WNK3: variants seen among roughly 807,000 people sequenced by gnomAD.
The protein encoded by WNK3 is WNK lysine deficient protein kinase 3, also known as serine/threonine-protein kinase WNK3.
A neutral mutation model predicts 116.7 loss-of-function variants in WNK3; 18 were observed. The observed-to-expected ratio is 0.15, with a 90% CI of 0.11 to 0.23. WNK3 has a LOEUF of 0.23. Ranked by LOEUF, WNK3 falls within the 10% of genes least tolerant of loss-of-function variation. WNK3 has a pLI of 1.00. For synonymous variants in WNK3, 404 were observed against 469.4 expected (o/e 0.86, Z 1.80); for missense variants, 993 against 1,323.8 (o/e 0.75, Z 3.88).
intron 2 of WNK3, among the ~76,000 whole-genome samples, chrX:54,323,226 C>G (rs1557172640): frequency 9.0e-6 from 1 of 111,331 alleles, no homozygotes; most frequent in African/African-American, 3.3e-5. Context: ...CCATGTACCC[C>G]CAGTTATGAT....
intron 22 of WNK3, among the ~76,000 whole-genome samples, chrX:54,219,187 A>C (rs2067732677): frequency 9.0e-6 from 1 of 111,466 alleles, no homozygotes; most frequent in South Asian, 3.8e-4. Flanking sequence ...ACTCATAATC[A>C]AATTGATGAA....
chrX:54,239,376 G>T lies in WNK3; in HGVS notation c.3652-277C>A, dbSNP rs191125813. ...TTAGACTTTAGTAAATAAAAGAGAA[G>T]ATTATTAATCTTCTACCCCAGAATA... is the stretch of plus-strand genomic sequence containing the variant. On this transcript the variant is annotated intron_variant, in intron 17 of 23. Coordinates refer to ENST00000354646, the Ensembl canonical transcript of WNK3. Among the ~76,000 whole-genome samples, 14 of 110,540 alleles carry T rather than the reference G, an allele frequency of 1.3e-4. No homozygotes were observed. The East Asian group carries it at 3.7e-3, about 29-fold the overall frequency.
chrX:54,232,210 C>T (rs1482356988), intron 21 of WNK3, among the ~76,000 whole-genome samples: 2 of 108,358 alleles, frequency 1.8e-5, no homozygotes, highest in Non-Finnish European at 3.8e-5. Context: ...GGCACAATCT[C>T]GGCTCACTGC....
At chrX:54,281,016 G>C (rs1397676296) in intron 10 of WNK3, among the ~76,000 whole-genome samples, 18 of 111,428 alleles carry the variant, frequency 1.6e-4, no homozygotes, top group African/African-American at 5.9e-4. Flanking sequence ...TTTTTTCCCA[G>C]CTTTACTGAG....
At chrX:54,235,148 GT>G (rs1210712729) in intron 20 of WNK3, among the ~76,000 whole-genome samples, 18 of 111,953 alleles carry the variant, frequency 1.6e-4, no homozygotes, top group African/African-American at 5.8e-4. Flanking sequence ...ACAGTTTTGG[GT>G]TTTTTTCTTC....
intron 10 of WNK3, among the ~76,000 whole-genome samples, chrX:54,271,191 T>C (rs2068380238): frequency 8.9e-6 from 1 of 112,271 alleles, no homozygotes; most frequent in Non-Finnish European, 1.9e-5. Context: ...CCAAACTTTT[T>C]ACTTATAAAG....
rs1603395379 is a variant in WNK3 at position 54,309,379 on chromosome X, T to C, written c.711-64A>G. 9.5e-6 allele frequency: 8 copies of C among 842,557 alleles called. No homozygotes were observed. In the East Asian group the frequency reaches 2.6e-4, roughly 28 times the overall value. The allele number at this position is 842,557 out of a possible 1,213,427, so 69.4% of individuals were successfully genotyped here. The stretch of plus-strand genomic sequence containing the variant: ...ATCCAACTTATTATATGAACACTAT[T>C]AAGGTAAGTTACATAAGCAAACAAC... On this transcript the variant is annotated intron_variant, in intron 3 of 23. Coordinates refer to ENST00000354646, the Ensembl canonical transcript of WNK3.
chrX:54,345,278 ATATATATG>A (rs1369274042), intron 1 of WNK3, among the ~76,000 whole-genome samples: 25 of 78,851 alleles, frequency 3.2e-4, no homozygotes, highest in Admixed American at 1.3e-3. Flanking sequence ...CAACAACTAT[ATATATATG>A]TATGTATGTA....
At chrX:54,237,701 T>A (rs782711330) in intron 19 of WNK3, 150 bp from the exon 20 acceptor site, 1 of 469,025 alleles carries the variant, frequency 2.1e-6, no homozygotes, top group Non-Finnish European at 3.2e-6. Flanking sequence ...GTAAAGAGAG[T>A]GGGCATCATA....
At chrX:54,273,632 T>A (rs191674272) in intron 10 of WNK3, among the ~76,000 whole-genome samples, 1 of 111,689 alleles carries the variant, frequency 9.0e-6, no homozygotes, top group African/African-American at 3.2e-5. Flanking sequence ...GTAAAGAACC[T>A]TCCAAAAGAA....
chrX:54,241,156 G>A (rs978942540), intron 17 of WNK3, among the ~76,000 whole-genome samples: 2 of 111,696 alleles, frequency 1.8e-5, no homozygotes, highest in Admixed American at 9.6e-5. Flanking sequence ...GGAAGGAGAC[G>A]ACATCCAGGA....
chrX:54,265,999 G>GA lies in WNK3; in HGVS notation c.2038-6662dup, dbSNP rs1226381880. On this transcript the variant is annotated intron_variant, in intron 10 of 23. Transcript: ENST00000354646. The stretch of plus-strand genomic sequence containing the variant: ...TGCACTCCAGCCTGGACAAGACAGC[G>GA]AAAAAAAAAAAGAGCTGAATTAGAC... Among the ~76,000 whole-genome samples, 43 of 102,740 alleles carry GA rather than the reference G, an allele frequency of 4.2e-4. No homozygotes were observed. In the South Asian group the frequency reaches 7.9e-3, roughly 19 times the overall value. 89.2% of individuals were successfully genotyped at this position (102,740 alleles called of 115,157 possible). A position where few individuals can be genotyped will look rare whatever the true frequency, so the allele number is the denominator to read the frequency against.
chrX:54,280,908 TG>T (rs1569537695), intron 10 of WNK3, among the ~76,000 whole-genome samples: 2 of 110,258 alleles, frequency 1.8e-5, no homozygotes, highest in African/African-American at 6.6e-5. Flanking sequence ...GTGACAATCC[TG>T]CACACATACT....
At chrX:54,297,781 A>G (rs2068713735) in intron 7 of WNK3, among the ~76,000 whole-genome samples, 1 of 111,298 alleles carries the variant, frequency 9.0e-6, no homozygotes, top group South Asian at 3.8e-4. Context: ...AATTTAAAGA[A>G]AAAAGGAGAA....
intron 3 of WNK3, among the ~76,000 whole-genome samples, chrX:54,309,894 C>G (rs2068867057): frequency 9.0e-6 from 1 of 110,599 alleles, no homozygotes; most frequent in Admixed American, 9.8e-5. Flanking sequence ...AGAATGGCAG[C>G]ACAATTTTAA....
At chrX:54,209,632 C>T (rs1427882945) in intron 22 of WNK3, among the ~76,000 whole-genome samples, 1 of 94,406 alleles carries the variant, frequency 1.1e-5, no homozygotes, top group East Asian at 3.7e-4. Flanking sequence ...CTCACTGCAA[C>T]CTCCGCCTCC....
At chrX:54,222,933 TATATATAA>T (rs1398390748) in intron 22 of WNK3, among the ~76,000 whole-genome samples, 4 of 95,634 alleles carry the variant, frequency 4.2e-5, no homozygotes, top group East Asian at 3.1e-4. Context: ...TATATATATA[TATATATAA>T]AAAAAGACAC....
intron 10 of WNK3, among the ~76,000 whole-genome samples, chrX:54,272,245 G>A (rs992887744): frequency 1.8e-5 from 2 of 111,553 alleles, no homozygotes; most frequent in Non-Finnish European, 3.8e-5. Context: ...AAGATTAAAC[G>A]AAATGACACT....
intron 2 of WNK3, among the ~76,000 whole-genome samples, chrX:54,317,194 C>CTA (rs782672428): frequency 1.2e-4 from 13 of 104,669 alleles, no homozygotes; most frequent in African/African-American, 4.6e-4. Context: ...GAGTCTTGCT[C>CTA]TATCACCCAG....
Sources: gnomAD v4.1 joint callset for allele counts (sites outside exome capture counted in the v4.1 genomes callset) on GRCh38, gnomAD v4.1.1 for gene constraint, MANE v1.5 for transcripts, NCBI Gene and HGNC (gene_info 2026-07-23, HGNC 2026-07-21) for gene names.